Variants in NTRK3 observed in about 807,000 individuals in gnomAD.
The protein encoded by NTRK3 is NT-3 growth factor receptor.
A neutral mutation model predicts 91.7 loss-of-function variants in NTRK3; 24 were observed. The ratio of observed to expected loss-of-function variants is 0.26; its 90% CI spans 0.19 to 0.37. The LOEUF is 0.37. NTRK3 is among the 10% of genes least tolerant of loss of function. The pLI, the probability that NTRK3 is intolerant of heterozygous loss-of-function variation, is 1.00. For synonymous variants in NTRK3, 483 were observed against 404.0 expected, an observed-to-expected ratio of 1.20 and a Z score of -2.34; for missense variants, 880 against 1,068.9, an observed-to-expected ratio of 0.82 and a Z score of 2.46.
intron 13 of NTRK3, among the ~76,000 whole-genome samples, chr15:88,103,694 G>T (rs2050405285): frequency 6.6e-6 from 1 of 152,104 alleles, no homozygotes; most frequent in South Asian, 2.1e-4. Flanking sequence ...CCTTGAAAGG[G>T]CACAGTTCTT....
chr15:87,938,107 G>T (rs59062353), intron 15 of NTRK3, among the ~76,000 whole-genome samples: 20,795 of 152,094 alleles, frequency 0.14, 3,143 homozygotes, highest in African/African-American at 0.38. Flanking sequence ...TTTAAGAGTC[G>T]CACACATGAG....
chr15:88,241,639 G>T lies in NTRK3; in HGVS notation c.248+14267C>A, dbSNP rs1397481146. Among the ~76,000 whole-genome samples, 2 of 152,098 alleles carry T rather than the reference G, an allele frequency of 1.3e-5. No individual in the cohort carries two copies. The highest frequency in any genetic ancestry group is 2.9e-5 in the Non-Finnish European group (2 of 68,006). On this transcript the variant is annotated intron_variant, in intron 3 of 18. Transcript: ENST00000394480. This position sits in a 1 kb window ranked among gnomAD's most constrained non-coding sequence, Gnocchi z 4.3. ...TGGGCAGAATGCCAGCTGGGTGCTG[G>T]GAGCAGGAAGCGGGGCTACCCTTCA...
chr15:88,102,867 G>A (rs2050318413), intron 13 of NTRK3, among the ~76,000 whole-genome samples: 1 of 152,170 alleles, frequency 6.6e-6, no homozygotes. Context: ...CAAAAGGCCT[G>A]TTGCACAAAG....
intron 17 of NTRK3, among the ~76,000 whole-genome samples, chr15:87,896,704 T>C (rs2066145628): frequency 6.6e-6 from 1 of 152,094 alleles, no homozygotes; most frequent in South Asian, 2.1e-4. Context: ...AATACATGAG[T>C]GTGCACTCAC....
chr15:88,143,049 T>C (rs1190216190), intron 6 of NTRK3, among the ~76,000 whole-genome samples: 1 of 151,194 alleles, frequency 6.6e-6, no homozygotes, highest in Admixed American at 6.6e-5. Flanking sequence ...ACCCCATCTC[T>C]ACTAAAAATA....
chr15:88,089,157 G>A (rs1292067779), intron 13 of NTRK3, among the ~76,000 whole-genome samples: 1 of 151,964 alleles, frequency 6.6e-6, no homozygotes, highest in African/African-American at 2.4e-5. Flanking sequence ...CGGTGGGGGA[G>A]AAGATAGATC....
intron 14 of NTRK3, among the ~76,000 whole-genome samples, chr15:88,021,076 G>A (rs1267258617): frequency 1.2e-4 from 18 of 152,176 alleles, no homozygotes; most frequent in Non-Finnish European, 1.5e-5. Context: ...CCGGATCTGG[G>A]GTTTAGGAAG....
At chr15:88,154,293 C>T (rs921286943) in intron 5 of NTRK3, among the ~76,000 whole-genome samples, 1 of 152,046 alleles carries the variant, frequency 6.6e-6, no homozygotes, top group African/African-American at 2.4e-5. Context: ...AGGGGGCTGC[C>T]GCCAGCCTCC....
intron 13 of NTRK3, among the ~76,000 whole-genome samples, chr15:88,105,612 T>A (rs1173640619): frequency 6.6e-6 from 1 of 152,188 alleles, no homozygotes; most frequent in East Asian, 1.9e-4. Flanking sequence ...TATCTTTTCC[T>A]TGTGCTTCAC....
At chr15:87,965,645 G>T (rs2072723676) in intron 14 of NTRK3, among the ~76,000 whole-genome samples, 1 of 152,226 alleles carries the variant, frequency 6.6e-6, no homozygotes, top group South Asian at 2.1e-4. Context: ...GTGGAGTCAG[G>T]ATTTCCAAGG....
At chr15:87,969,861 C>T (rs2073114231) in intron 14 of NTRK3, among the ~76,000 whole-genome samples, 1 of 152,196 alleles carries the variant, frequency 6.6e-6, no homozygotes, top group Non-Finnish European at 1.5e-5. Flanking sequence ...CAGAGAGGGT[C>T]TATTAACCCC....
At chr15:88,097,769 T>C (rs577219640) in intron 13 of NTRK3, among the ~76,000 whole-genome samples, 87 of 152,304 alleles carry the variant, frequency 5.7e-4, no homozygotes, top group African/African-American at 1.9e-3. Context: ...TGATATACTA[T>C]GTGAAAGTAA....
At chr15:87,937,522 G>A (rs1040700740) in intron 15 of NTRK3, among the ~76,000 whole-genome samples, 1 of 152,096 alleles carries the variant, frequency 6.6e-6, no homozygotes, top group Non-Finnish European at 1.5e-5. Context: ...ACTAGAAATT[G>A]TGACTACTCA....
At chr15:87,934,148 G>A (rs1207160678) in intron 15 of NTRK3, among the ~76,000 whole-genome samples, 1 of 152,204 alleles carries the variant, frequency 6.6e-6, no homozygotes, top group Admixed American at 6.5e-5. Flanking sequence ...ATGCTGGCCA[G>A]ATGGAAAATG....
At chr15:88,175,160 A>AG (rs1160101902) in intron 5 of NTRK3, among the ~76,000 whole-genome samples, 1 of 152,232 alleles carries the variant, frequency 6.6e-6, no homozygotes, top group Admixed American at 6.5e-5. Context: ...TCTTTTTCTT[A>AG]GCCACAGTAA....
At chr15:87,905,242 A>C (rs1303961089) in intron 17 of NTRK3, among the ~76,000 whole-genome samples, 1 of 152,228 alleles carries the variant, frequency 6.6e-6, no homozygotes, top group Non-Finnish European at 1.5e-5. Context: ...CCTGGGATAA[A>C]TATGCTCTAA....
intron 5 of NTRK3, among the ~76,000 whole-genome samples, chr15:88,168,969 T>G (rs1463232822): frequency 6.6e-6 from 1 of 152,152 alleles, no homozygotes; most frequent in African/African-American, 2.4e-5. Context: ...GAATAGACAT[T>G]AACTAAAGCG....
intron 13 of NTRK3, among the ~76,000 whole-genome samples, chr15:88,055,658 G>C (rs188403061): frequency 3.3e-5 from 5 of 152,144 alleles, no homozygotes; most frequent in Non-Finnish European, 7.4e-5. Flanking sequence ...ATGAAACTAA[G>C]ACCCAGTGAA....
At chr15:87,879,221 C>T (rs905420906) in intron 18 of NTRK3, among the ~76,000 whole-genome samples, 4 of 152,136 alleles carry the variant, frequency 2.6e-5, no homozygotes, top group Admixed American at 2.6e-4. Context: ...AGAAGAAAGA[C>T]ACTCTGTTGA....
Sources: gnomAD v4.1 joint callset for allele counts (sites outside exome capture counted in the v4.1 genomes callset) on GRCh38, gnomAD v4.1.1 for gene constraint, Gnocchi (gnomAD v3.1) non-coding constraint, MANE v1.5 for transcripts, NCBI Gene and HGNC (gene_info 2026-07-23, HGNC 2026-07-21) for gene names.